COMP: variants seen among roughly 807,000 people sequenced by gnomAD.
The protein encoded by COMP is cartilage oligomeric matrix protein (pseudoachondroplasia, epiphyseal dysplasia 1, multiple).
COMP carries 79 observed loss-of-function variants against 95.8 expected under a neutral mutation model. That is an observed-to-expected ratio of 0.82 (90% CI 0.69 to 0.99). The LOEUF is 0.99. Ranked by LOEUF, COMP falls within the 50% of genes least tolerant of loss-of-function variation. The pLI is 0.00. For synonymous variants in COMP, 438 were observed against 433.9 expected, an observed-to-expected ratio of 1.01 and a Z score of -0.12; for missense variants, 906 against 1,076.1, an observed-to-expected ratio of 0.84 and a Z score of 2.21.
intron 15 of COMP, 89 bp downstream of exon 15, chr19:18,785,409 C>T: frequency 6.4e-7 from 1 of 1,550,750 alleles, no homozygotes; most frequent in Non-Finnish European, 8.8e-7. Flanking sequence ...CTTCTGGCCC[C>T]GCCCATTCTC....
At chr19:18,787,124 A>ACG in intron 10 of COMP, 1 of 407,200 alleles carries the variant, frequency 2.5e-6, no homozygotes, top group Non-Finnish European at 4.6e-6. Flanking sequence ...AGTGAGGGGG[A>ACG]CGGGCTCTCA....
Position 18,784,440 on chromosome 19 carries a change from G to T in COMP, c.1915-77C>A. ...CCCTAGACACCTTCCTGGAGAGACA[G>T]TTGGGAGCAGCAGGTGGTGGGCGGC... On this transcript the variant is annotated intron_variant, in intron 16 of 18. Coordinates refer to ENST00000222271, the MANE Select transcript of COMP (RefSeq NM_000095.3). This position sits in a 1 kb window ranked among gnomAD's most constrained non-coding sequence, Gnocchi z 4.9. 1.9e-6 allele frequency: 3 copies of T among 1,562,828 alleles called. No homozygotes were observed. Among genetic ancestry groups the T allele is most frequent in the Non-Finnish European group, 2.6e-6 (3 of 1,139,038 alleles).
In COMP at chr19:18,785,999, G is replaced by C; in HGVS notation, c.1455C>G (p.Arg485=). The part of the protein sequence containing the change: ...DGVPDSRDNC[R]LVPNPGQEDA... ...CCTCCTGGCCGGGGTTAGGCACCAG[G>C]CGGCAGTTGTCCCGACTGTCAGGGA... Residue 485 remains arginine (R), a synonymous_variant, in exon 13 of 19, where the codon CGC becomes CGG. Transcript: ENST00000222271. The C allele has an allele frequency of 6.2e-7, 1 of 1,613,374 alleles. No individual in the cohort carries two copies. The highest frequency in any genetic ancestry group is 8.5e-7 in the Non-Finnish European group (1 of 1,179,990).
In COMP at chr19:18,785,671, AC is replaced by A; in HGVS notation, c.1668+1del. On this transcript the variant is annotated splice_donor_variant, in intron 14 of 18. Coordinates refer to ENST00000222271, the MANE Select transcript of COMP (RefSeq NM_000095.3). LOFTEE classifies it high-confidence loss of function. Reference sequence around the variant, plus strand: ...CACCCCCCACGTGGACCCCGCTCCCACCTGGTTGAGCACCACCCAGTTGGGG... The same window carrying A: ...CACCCCCCACGTGGACCCCGCTCCCACTGGTTGAGCACCACCCAGTTGGGG... 6.2e-7 allele frequency: 1 copy of A among 1,613,214 alleles called. No individual in the cohort carries two copies. The highest frequency in any genetic ancestry group is 8.5e-7 in the Non-Finnish European group (1 of 1,179,994).
Position 18,788,149 on chromosome 19 carries a change from G to A in COMP, c.975+63C>T. 1 of 1,375,620 alleles carries A rather than the reference G, an allele frequency of 7.3e-7. No homozygotes were observed. The highest frequency in any genetic ancestry group is 1.0e-6 in the Non-Finnish European group (1 of 971,426). The allele number at this position is 1,375,620 out of a possible 1,614,324, so 85.2% of individuals were successfully genotyped here. ...CATCTCTTGACCTCGTGATCCGCCC[G>A]CCTCGGCCTCCCAAAGTGCTGGGAT... On this transcript the variant is annotated intron_variant, in intron 9 of 18. Transcript: ENST00000222271. The surrounding 1 kb of genome is among the most constrained non-coding windows in gnomAD (Gnocchi z 4.7).
chr19:18,786,762 G>GTTTTTTTTT (rs1264257065), intron 10 of COMP, 112 bp from the exon 11 acceptor site: 3 of 289,958 alleles, frequency 1.0e-5, no homozygotes, highest in African/African-American at 5.2e-5. Flanking sequence ...CTTCATGGAA[G>GTTTTTTTTT]CTTTTTTTTT....
At chr19:18,786,421 G>T in intron 11 of COMP, 111 bp downstream of exon 11, 1 of 1,534,024 alleles carries the variant, frequency 6.5e-7, no homozygotes, top group Non-Finnish European at 9.0e-7. Context: ...CTCGGACCGA[G>T]AGGTCATTTC....
chr19:18,790,637 C>T (rs1216132708), intron 2 of COMP, 24 bp from the exon 3 acceptor site: 3 of 1,613,870 alleles, frequency 1.9e-6, no homozygotes, highest in Admixed American at 1.7e-5. Flanking sequence ...ATGGAATCAG[C>T]GGGGTCCCAA....
In COMP at chr19:18,784,781, A is replaced by C; in HGVS notation, c.1914+115T>G. The C allele has an allele frequency of 8.6e-7, 1 of 1,160,734 alleles. No individual in the cohort carries two copies. The highest frequency in any genetic ancestry group is 1.3e-6 in the Non-Finnish European group (1 of 789,066). The allele number at this position is 1,160,734 out of a possible 1,614,324, so 71.9% of individuals were successfully genotyped here. A position where few individuals can be genotyped will look rare whatever the true frequency, so the allele number is the denominator to read the frequency against. On this transcript the variant is annotated intron_variant, in intron 16 of 18. Coordinates refer to ENST00000222271, the MANE Select transcript of COMP (RefSeq NM_000095.3). This position sits in a 1 kb window ranked among gnomAD's most constrained non-coding sequence, Gnocchi z 4.9. ...CCAGAGGAGGGCTGGGACAGCTTTG[A>C]GGTCCATAGTATGAGGCTAGGGGGC...
At chr19:18,783,632 A>C (rs1488193200) in intron 17 of COMP, among the ~76,000 whole-genome samples, 1 of 147,378 alleles carries the variant, frequency 6.8e-6, no homozygotes, top group Admixed American at 6.7e-5. Flanking sequence ...TTTTTGAGAC[A>C]GAGTCTCACT....
At chr19:18,787,736 TCTC>T (rs1568555643) in intron 9 of COMP, 86 bp from the exon 10 acceptor site, 2 of 1,576,942 alleles carry the variant, frequency 1.3e-6, no homozygotes, top group Non-Finnish European at 1.7e-6. Context: ...CGAGGACGCG[TCTC>T]CTCCTCAAGG....
In COMP at chr19:18,786,634, G is replaced by A. The variant is rs775203006; in HGVS notation, c.1152C>T (p.Ala384=). Residue 384 remains alanine, a synonymous_variant, in exon 11 of 19, where the codon GCC becomes GCT. Coordinates refer to ENST00000222271, the MANE Select transcript of COMP (RefSeq NM_000095.3). The part of the protein sequence containing the change: ...DIDGDRIRNQ[A]DNCPRVPNSD... ...AGTTGGGTACCCTAGGGCAGTTGTC[G>A]GCCTGGTTGCGGATCCCTGCAGAAA... is the stretch of plus-strand genomic sequence containing the variant. 6.2e-7 allele frequency: 1 copy of A among 1,613,890 alleles called. No individual in the cohort carries two copies.
At position 18,786,127 on chromosome 19, in the gene COMP, C is replaced by T. The variant is rs1289022787; in HGVS notation, c.1327G>A (p.Asp443Asn). The change falls in exon 13 of 19, where the codon GAC becomes AAC. Residue 443 changes from aspartate to asparagine, a missense_variant. Asp to Asn is a conservative substitution (Grantham distance 23). Coordinates refer to ENST00000222271, the MANE Select transcript of COMP (RefSeq NM_000095.3). ...DQDQDGDGHQ[D>N]SRDNCPTVPN... Reference sequence around the variant, plus strand: ...ACCGTGGGACAGTTGTCCCGAGAGTCCTGATGTCCGTCTCCATCCCTAGAG... The same window carrying T: ...ACCGTGGGACAGTTGTCCCGAGAGTTCTGATGTCCGTCTCCATCCCTAGAG... 2 of 1,614,174 alleles carry T rather than the reference C, an allele frequency of 1.2e-6. No individual in the cohort carries two copies. The highest frequency in any genetic ancestry group is 1.7e-5 in the Admixed American group (1 of 60,030).
Position 18,788,432 on chromosome 19 carries a change from C to T in COMP, c.845G>A (p.Cys282Tyr), listed in dbSNP as rs1250614677. 6.6e-7 allele frequency: 1 copy of T among 1,503,942 alleles called. No homozygotes were observed. The highest frequency in any genetic ancestry group is 9.0e-7 in the Non-Finnish European group (1 of 1,115,628). 93.2% of individuals were successfully genotyped at this position (1,503,942 alleles called of 1,614,324 possible). ...LDGFPDEKLR[C>Y]PERQCRKDNC... ...CACCTTACGGCACTGGCGCTCCGGG[C>T]AGCGCAGCTTCTCGTCCGGGAAGCC... Residue 282 changes from cysteine to tyrosine, a missense_variant, in exon 8 of 19, where the codon TGC becomes TAC. Transcript: ENST00000222271. The surrounding 1 kb of genome is among the most constrained non-coding windows in gnomAD (Gnocchi z 4.7).
Position 18,789,233 on chromosome 19 carries a change from T to C in COMP, c.455A>G (p.Glu152Gly), listed in dbSNP as rs774739958. 8 of 1,530,822 alleles carry C rather than the reference T, an allele frequency of 5.2e-6. No homozygotes were observed. In the African/African-American group the frequency reaches 1.1e-4, roughly 21 times the overall value. The allele number at this position is 1,530,822 out of a possible 1,614,324, so 94.8% of individuals were successfully genotyped here. A position where few individuals can be genotyped will look rare whatever the true frequency, so the allele number is the denominator to read the frequency against. ...GCCGCTGTACCCCGGCGGGCAAGCC[T>C]CGCAGCGGAACCCCGGGCTGGTGTT... The part of the protein sequence containing the change: ...CINTSPGFRC[E>G]ACPPGYSGPT... Residue 152 changes from glutamate (E) to glycine (G), a missense_variant, in exon 5 of 19, where the codon GAG (glutamate) becomes GGG (glycine). Transcript: ENST00000222271. This position sits in a 1 kb window ranked among gnomAD's most constrained non-coding sequence, Gnocchi z 6.1.
At chr19:18,790,436 C>T (rs2055204638) in intron 3 of COMP, 126 bp downstream of exon 3, 4 of 1,232,370 alleles carry the variant, frequency 3.2e-6, no homozygotes, top group Non-Finnish European at 4.7e-6. Flanking sequence ...TTCGTCCGTC[C>T]ACCTCTCCGT....
Position 18,789,432 on chromosome 19 carries a change from C to T in COMP, c.391-135G>A. 9.8e-7 allele frequency: 1 copy of T among 1,019,230 alleles called. No homozygotes were observed. The highest frequency in any genetic ancestry group is 1.4e-6 in the Non-Finnish European group (1 of 730,072). 63.1% of individuals were successfully genotyped at this position (1,019,230 alleles called of 1,614,324 possible). A position where few individuals can be genotyped will look rare whatever the true frequency, so the allele number is the denominator to read the frequency against. Reference sequence around the variant, plus strand: ...GGAGCTCTGAGATGGAAGCAATTGTCGCAGGGGTCAGGCACGACTTTGCCT... The same window carrying T: ...GGAGCTCTGAGATGGAAGCAATTGTTGCAGGGGTCAGGCACGACTTTGCCT... On this transcript the variant is annotated intron_variant, in intron 4 of 18. Transcript: ENST00000222271. This position sits in a 1 kb window ranked among gnomAD's most constrained non-coding sequence, Gnocchi z 6.1.
intron 13 of COMP, 56 bp downstream of exon 13, chr19:18,785,909 C>A (rs376180942): frequency 1.1e-5 from 18 of 1,603,486 alleles, no homozygotes; most frequent in Non-Finnish European, 1.4e-5. Flanking sequence ...CCGTAGACCC[C>A]GCGCCAGGAG....
intron 9 of COMP, among the ~76,000 whole-genome samples, chr19:18,787,914 CT>C (rs1169365963): frequency 2.2e-5 from 3 of 137,008 alleles, no homozygotes; most frequent in African/African-American, 7.9e-5. Context: ...TTCTTTCTTT[CT>C]TTTTTTTGAG....
Sources: allele counts gnomAD v4.1 joint callset (sites outside exome capture counted in the v4.1 genomes callset), GRCh38; gene constraint gnomAD v4.1.1; non-coding constraint Gnocchi (gnomAD v3.1); transcripts MANE v1.5; gene names NCBI Gene and HGNC (gene_info 2026-07-23, HGNC 2026-07-21).